The following DPP10 variants were observed in gnomAD, a reference collection of about 807,000 sequenced individuals.
DPP10 encodes inactive dipeptidyl peptidase 10.
In DPP10, 33 loss-of-function variants were observed where a neutral mutation model predicts 120.9. The observed-to-expected ratio is 0.27, with a 90% confidence interval of 0.21 to 0.37. DPP10 has a LOEUF of 0.37. DPP10 is among the 10% of genes least tolerant of loss of function. The pLI is 1.00. For missense variants in DPP10, 816 were observed against 942.8 expected (o/e 0.87, Z 1.76); for synonymous variants, 337 against 326.1 (o/e 1.03, Z -0.36).
intron 5 of DPP10, among the ~76,000 whole-genome samples, chr2:115,552,670 A>C (rs1051039668): frequency 6.6e-6 from 1 of 152,096 alleles, no homozygotes; most frequent in African/African-American, 2.4e-5. Context: ...TTTTGTTGAC[A>C]TAAAGAGCAC....
intron 1 of DPP10, among the ~76,000 whole-genome samples, chr2:115,237,387 C>T (rs184287971): frequency 5.3e-5 from 8 of 152,190 alleles, no homozygotes; most frequent in Middle Eastern, 3.4e-3. Context: ...GCTGCTCCAC[C>T]GACTAGCTGT....
intron 7 of DPP10, among the ~76,000 whole-genome samples, chr2:115,727,484 T>C (rs936334211): frequency 3.3e-5 from 5 of 152,124 alleles, no homozygotes; most frequent in African/African-American, 9.7e-5. Context: ...ATCAGTCTCT[T>C]GAGTAAGCAA....
chr2:115,247,514 A>T (rs764660540), intron 1 of DPP10, among the ~76,000 whole-genome samples: 7 of 152,152 alleles, frequency 4.6e-5, no homozygotes, highest in Non-Finnish European at 1.0e-4. Flanking sequence ...TGACTGCCCC[A>T]TGAAAGGAGC....
chr2:115,615,372 C>T (rs2084412695), intron 5 of DPP10, among the ~76,000 whole-genome samples: 1 of 152,046 alleles, frequency 6.6e-6, no homozygotes, highest in Non-Finnish European at 1.5e-5. Flanking sequence ...GATTTTGAGT[C>T]CCCCCAAAAT....
At chr2:115,486,177 A>G (rs1230264846) in intron 3 of DPP10, among the ~76,000 whole-genome samples, 1 of 152,062 alleles carries the variant, frequency 6.6e-6, no homozygotes, top group Non-Finnish European at 1.5e-5. Context: ...TTTTTCTTCT[A>G]TCACCTTTTG....
intron 5 of DPP10, among the ~76,000 whole-genome samples, chr2:115,610,912 A>G (rs1368870384): frequency 1.3e-5 from 2 of 152,194 alleles, no homozygotes; most frequent in African/African-American, 4.8e-5. Context: ...TTCTTAGTAG[A>G]CCATTGATAT....
intron 1 of DPP10, among the ~76,000 whole-genome samples, chr2:114,760,769 T>A (rs1680212334): frequency 6.6e-6 from 1 of 152,046 alleles, no homozygotes; most frequent in African/African-American, 2.4e-5. Flanking sequence ...ATGAGTGAAA[T>A]TCCTATTAAA....
chr2:114,518,938 T>C (rs1193314507), intron 1 of DPP10, among the ~76,000 whole-genome samples: 1 of 152,202 alleles, frequency 6.6e-6, no homozygotes, highest in Non-Finnish European at 1.5e-5. Flanking sequence ...GCAGCTCCCA[T>C]CTGAGCCCTG....
chr2:114,910,276 T>G (rs1694272158), intron 1 of DPP10, among the ~76,000 whole-genome samples: 1 of 151,972 alleles, frequency 6.6e-6, no homozygotes, highest in Admixed American at 6.5e-5. Context: ...TTTCTTCTAG[T>G]TTTATAATAA....
intron 1 of DPP10, among the ~76,000 whole-genome samples, chr2:115,013,980 T>C (rs1320964972): frequency 1.3e-5 from 2 of 152,154 alleles, no homozygotes; most frequent in African/African-American, 2.4e-5. Flanking sequence ...AACTCAGCTC[T>C]GGACCAAGCA....
intron 5 of DPP10, among the ~76,000 whole-genome samples, chr2:115,652,162 C>A (rs1389848246): frequency 1.3e-5 from 2 of 151,956 alleles, no homozygotes; most frequent in Non-Finnish European, 2.9e-5. Context: ...GCCAGACATT[C>A]TTTCAAGTAC....
At chr2:115,588,558 C>A (rs890154756) in intron 5 of DPP10, among the ~76,000 whole-genome samples, 7 of 152,304 alleles carry the variant, frequency 4.6e-5, no homozygotes, top group Admixed American at 2.0e-4. Context: ...AAGAGTCGCA[C>A]ATAGCTGCAT....
chr2:114,933,157 G>A (rs78999876), intron 1 of DPP10, among the ~76,000 whole-genome samples: 2 of 152,102 alleles, frequency 1.3e-5, no homozygotes, highest in African/African-American at 2.4e-5. Context: ...ATAAAATGGT[G>A]TTGCTCTTAG....
At chr2:115,034,560 A>G (rs1472277378) in intron 1 of DPP10, among the ~76,000 whole-genome samples, 3 of 152,208 alleles carry the variant, frequency 2.0e-5, no homozygotes, top group Non-Finnish European at 4.4e-5. Flanking sequence ...TTTTCTATGT[A>G]TATGAGAATG....
At chr2:115,714,245 T>G (rs937151119) in intron 7 of DPP10, among the ~76,000 whole-genome samples, 1 of 152,336 alleles carries the variant, frequency 6.6e-6, no homozygotes, top group Non-Finnish European at 1.5e-5. Flanking sequence ...GATATCCTTT[T>G]ACCTTAATTG....
chr2:114,461,957 G>A (rs920742048), intron 1 of DPP10: 7 of 985,178 alleles, frequency 7.1e-6, no homozygotes, highest in African/African-American at 1.7e-5. Context: ...ATGAGGCCTC[G>A]ACCATCTAAG....
chr2:115,648,678 T>G (rs923993231), intron 5 of DPP10, among the ~76,000 whole-genome samples: 4 of 151,546 alleles, frequency 2.6e-5, no homozygotes, highest in South Asian at 2.1e-4. Context: ...TTAATAAAAC[T>G]TAGCCTAGGG....
At chr2:115,284,611 A>T (rs2060291222) in intron 1 of DPP10, among the ~76,000 whole-genome samples, 1 of 151,970 alleles carries the variant, frequency 6.6e-6, no homozygotes, top group Non-Finnish European at 1.5e-5. Context: ...ATATATTCTT[A>T]TTGCTGTTGT....
intron 3 of DPP10, among the ~76,000 whole-genome samples, chr2:115,446,286 G>C (rs2072578530): frequency 6.6e-6 from 1 of 152,198 alleles, no homozygotes; most frequent in African/African-American, 2.4e-5. Flanking sequence ...GAACCCTCAT[G>C]GAAAACCTCT....
Sources: allele counts gnomAD v4.1 joint callset (sites outside exome capture counted in the v4.1 genomes callset), GRCh38; gene constraint gnomAD v4.1.1; transcripts MANE v1.5; gene names NCBI Gene and HGNC (gene_info 2026-07-23, HGNC 2026-07-21).